SDK1: variants seen among roughly 807,000 people sequenced by gnomAD.
The protein encoded by SDK1 is sidekick cell adhesion molecule 1.
SDK1 carries 157 observed loss-of-function variants against 245.5 expected under a neutral mutation model. The ratio of observed to expected loss-of-function variants is 0.64; its 90% CI spans 0.56 to 0.73. SDK1 has a LOEUF of 0.73. SDK1 is among the 30% of genes least tolerant of loss of function. SDK1 has a pLI of 0.00. For missense variants in SDK1, 3,583 were observed against 3,002.3 expected (o/e 1.19, Z -4.52); for synonymous variants, 1,647 against 1,278.5 (o/e 1.29, Z -6.15).
intron 22 of SDK1, among the ~76,000 whole-genome samples, chr7:4,109,735 C>T (rs922710041): frequency 1.2e-4 from 19 of 152,186 alleles, no homozygotes; most frequent in African/African-American, 4.6e-4. Flanking sequence ...GTGGCACCAT[C>T]AAGGGGGAGA....
intron 10 of SDK1, among the ~76,000 whole-genome samples, chr7:3,968,312 GCA>G (rs1462238649): frequency 6.6e-6 from 1 of 152,248 alleles, no homozygotes; most frequent in African/African-American, 2.4e-5. Flanking sequence ...TGAAGGAACA[GCA>G]CACAGAGTCC....
intron 1 of SDK1, among the ~76,000 whole-genome samples, chr7:3,527,967 A>T (rs1250505292): frequency 1.5e-5 from 2 of 130,624 alleles, no homozygotes; most frequent in African/African-American, 3.0e-5. Flanking sequence ...CTAGCGGGTG[A>T]GTGGTGGGAG....
intron 1 of SDK1, among the ~76,000 whole-genome samples, chr7:3,466,640 G>A (rs566129256): frequency 1.5e-4 from 22 of 151,200 alleles, no homozygotes; most frequent in African/African-American, 4.9e-4. Flanking sequence ...ATGTGAAATT[G>A]CTTGTCATTC....
intron 4 of SDK1, among the ~76,000 whole-genome samples, chr7:3,756,987 C>G (rs529472074): frequency 6.6e-6 from 1 of 151,904 alleles, no homozygotes; most frequent in Admixed American, 6.6e-5. Flanking sequence ...TTTTCCGTAT[C>G]CTATTCTTGA....
At chr7:3,393,859 T>C (rs1781824265) in intron 1 of SDK1, among the ~76,000 whole-genome samples, 1 of 152,172 alleles carries the variant, frequency 6.6e-6, no homozygotes, top group African/African-American at 2.4e-5. Flanking sequence ...TTTAGTTCAG[T>C]TTGTGAGGTC....
intron 17 of SDK1, among the ~76,000 whole-genome samples, chr7:4,030,116 G>C (rs533138544): frequency 1.3e-5 from 2 of 152,266 alleles, no homozygotes; most frequent in East Asian, 3.9e-4. Flanking sequence ...CATCGGCTCC[G>C]GGTGCCTGGC....
intron 5 of SDK1, among the ~76,000 whole-genome samples, chr7:3,823,597 A>G (rs1779699216): frequency 6.6e-6 from 1 of 152,212 alleles, no homozygotes; most frequent in Non-Finnish European, 1.5e-5. Context: ...CAGTAATTTC[A>G]GTTTCTACCC....
intron 4 of SDK1, among the ~76,000 whole-genome samples, chr7:3,714,663 A>T (rs543012028): frequency 2.0e-5 from 3 of 152,344 alleles, no homozygotes; most frequent in East Asian, 3.9e-4. Flanking sequence ...TGAAGCAGGT[A>T]CAGAACTGCT....
At chr7:3,688,645 G>T (rs1439935566) in intron 4 of SDK1, among the ~76,000 whole-genome samples, 1 of 152,204 alleles carries the variant, frequency 6.6e-6, no homozygotes, top group Non-Finnish European at 1.5e-5. Context: ...GCAGACCTCA[G>T]TTTCCTCATC....
intron 30 of SDK1, among the ~76,000 whole-genome samples, chr7:4,157,082 C>CT (rs1383150309): frequency 1.3e-5 from 2 of 152,104 alleles, no homozygotes; most frequent in African/African-American, 4.8e-5. Flanking sequence ...TGAAGGGTAT[C>CT]TGAGAGGAAC....
At chr7:3,798,071 C>T (rs56403834) in intron 4 of SDK1, among the ~76,000 whole-genome samples, 20,127 of 152,044 alleles carry the variant, frequency 0.13, 1,508 homozygotes, top group Middle Eastern at 0.3. Flanking sequence ...GTACCATTTA[C>T]TAGAGCCTTT....
At chr7:4,023,598 C>T (rs1333624514) in intron 17 of SDK1, among the ~76,000 whole-genome samples, 1 of 152,096 alleles carries the variant, frequency 6.6e-6, no homozygotes, top group Non-Finnish European at 1.5e-5. Context: ...GAAAAAATTC[C>T]GCGGAGTGTA....
At chr7:3,379,740 T>C (rs751476879) in intron 1 of SDK1, among the ~76,000 whole-genome samples, 7 of 152,184 alleles carry the variant, frequency 4.6e-5, no homozygotes, top group South Asian at 2.1e-4. Context: ...ATGTGAAATA[T>C]ATAGACACAT....
intron 1 of SDK1, among the ~76,000 whole-genome samples, chr7:3,416,278 C>A (rs75042241): frequency 2.6e-5 from 4 of 151,948 alleles, no homozygotes; most frequent in East Asian, 1.9e-4. Context: ...AAGTTTTTGC[C>A]GTTCAGGGAG....
At chr7:3,463,811 G>C (rs1388154835) in intron 1 of SDK1, among the ~76,000 whole-genome samples, 1 of 152,064 alleles carries the variant, frequency 6.6e-6, no homozygotes, top group East Asian at 1.9e-4. Context: ...GTTCCCTCCA[G>C]GACAGGCCAT....
chr7:4,131,873 C>T (rs1410188967), intron 27 of SDK1, among the ~76,000 whole-genome samples: 2 of 152,104 alleles, frequency 1.3e-5, no homozygotes, highest in Non-Finnish European at 2.9e-5. Context: ...ATTGTAACCT[C>T]CGTTAGAGTT....
chr7:3,928,364 C>A (rs1163004108), intron 5 of SDK1, among the ~76,000 whole-genome samples: 1 of 152,144 alleles, frequency 6.6e-6, no homozygotes, highest in Non-Finnish European at 1.5e-5. Flanking sequence ...TCCCTCAATT[C>A]TACAACTTAG....
At chr7:3,645,399 C>A (rs1399364344) in intron 4 of SDK1, among the ~76,000 whole-genome samples, 1 of 152,126 alleles carries the variant, frequency 6.6e-6, no homozygotes, top group African/African-American at 2.4e-5. Context: ...TCCACCTCAT[C>A]ATCACCCCAA....
At chr7:4,230,257 G>C (rs1412539090) in intron 40 of SDK1, among the ~76,000 whole-genome samples, 2 of 151,866 alleles carry the variant, frequency 1.3e-5, no homozygotes, top group South Asian at 2.1e-4. Context: ...GTGGATGGGT[G>C]AGTGGGTGGA....
Sources: allele counts gnomAD v4.1 joint callset (sites outside exome capture counted in the v4.1 genomes callset), GRCh38; gene constraint gnomAD v4.1.1; transcripts MANE v1.5; gene names NCBI Gene and HGNC (gene_info 2026-07-23, HGNC 2026-07-21).